The following CYFIP1 variants were observed in gnomAD, a reference collection of about 807,000 sequenced individuals.
CYFIP1 encodes the protein cytoplasmic FMR1-interacting protein 1.
A neutral mutation model predicts 163.5 loss-of-function variants in CYFIP1; 58 were observed. That is an observed-to-expected ratio of 0.35 (90% CI 0.29 to 0.44). CYFIP1 has a LOEUF of 0.44. CYFIP1 is among the 20% of genes least tolerant of loss of function. The pLI is 1.00. For missense variants in CYFIP1, 1,338 were observed against 1,653.8 expected (o/e 0.81, Z 3.31); for synonymous variants, 663 against 660.7 (o/e 1.00, Z -0.05).
intron 1 of CYFIP1, among the ~76,000 whole-genome samples, chr15:22,954,242 A>G (rs569964643): frequency 6.6e-6 from 1 of 152,176 alleles, no homozygotes; most frequent in South Asian, 2.1e-4. Context: ...AGAGAGGCCA[A>G]CCCTGCTGGC....
At chr15:22,963,564 A>ACATAACATAACATAACATAACATAAC (rs2062780706) in intron 1 of CYFIP1, among the ~76,000 whole-genome samples, 2 of 139,558 alleles carry the variant, frequency 1.4e-5, no homozygotes, top group Non-Finnish European at 3.1e-5. Flanking sequence ...CATAAGAAAG[A>ACATAACATAACATAACATAACATAAC]ATGAAATATC....
intron 6 of CYFIP1, among the ~76,000 whole-genome samples, chr15:22,940,964 C>G (rs887610645): frequency 6.6e-6 from 1 of 152,178 alleles, no homozygotes; most frequent in African/African-American, 2.4e-5. Flanking sequence ...TGCTTGAATC[C>G]AGGAGACGCA....
At chr15:22,899,459 A>T (rs533219955) in intron 22 of CYFIP1, among the ~76,000 whole-genome samples, 23 of 152,278 alleles carry the variant, frequency 1.5e-4, no homozygotes, top group African/African-American at 4.8e-4. Flanking sequence ...GAGGTAACTG[A>T]ATAATGGGGG....
At chr15:22,880,829 A>G (rs1300574018) in intron 25 of CYFIP1, among the ~76,000 whole-genome samples, 3 of 152,112 alleles carry the variant, frequency 2.0e-5, no homozygotes. Flanking sequence ...GCAGGGACTC[A>G]GCCCCACTTG....
intron 16 of CYFIP1, among the ~76,000 whole-genome samples, chr15:22,915,735 C>A (rs1294161869): frequency 6.6e-6 from 1 of 152,092 alleles, no homozygotes; most frequent in African/African-American, 2.4e-5. Context: ...GGTGACAGAG[C>A]AAGACTTCGT....
At position 22,870,044 on chromosome 15, in the gene CYFIP1, G is replaced by C; in HGVS notation, c.3746C>G (p.Ser1249Cys). 6.2e-7 allele frequency: 1 copy of C among 1,605,806 alleles called. No homozygotes were observed. The highest frequency in any genetic ancestry group is 8.5e-7 in the Non-Finnish European group (1 of 1,177,384). The change falls in exon 31 of 31, where the codon TCC becomes TGC. Residue 1249 changes from serine (S) to cysteine (C), a missense_variant. Ser to Cys is a moderately radical substitution (Grantham distance 112). Around this residue, in one of 4 missense-constraint regions of CYFIP1, gnomAD observed 306 missense variants for 322.1 expected, o/e 0.95. Coordinates refer to ENST00000617928, the MANE Select transcript of CYFIP1 (RefSeq NM_014608.6). ...CGCGTGCCCTCAGCTGCTGGCGAGG[G>C]ACTGGTGGATGGGCGGCTGGAAGCA... ...VRCFQPPIHQ[S>C]LASS
chr15:22,951,437 C>CAGG, intron 1 of CYFIP1: 2 of 1,289,536 alleles, frequency 1.6e-6, no homozygotes, highest in Non-Finnish European at 2.0e-6. Context: ...GCATGGGGGG[C>CAGG]CTGCCCTTGG....
At chr15:22,916,177 T>C (rs933981112) in intron 16 of CYFIP1, among the ~76,000 whole-genome samples, 1 of 152,186 alleles carries the variant, frequency 6.6e-6, no homozygotes, top group Non-Finnish European at 1.5e-5. Flanking sequence ...AATGCCTGTG[T>C]CTCAACTCAG....
intron 18 of CYFIP1, among the ~76,000 whole-genome samples, chr15:22,911,408 G>A (rs913568888): frequency 2.0e-5 from 3 of 152,200 alleles, no homozygotes; most frequent in African/African-American, 7.2e-5. Flanking sequence ...CATTGCAGGT[G>A]GGTTCCTGCC....
In CYFIP1 at chr15:22,943,182, G is replaced by C. The variant is rs889506033; in HGVS notation, c.560C>G (p.Ala187Gly). ...MKCSVKNDHS[A>G]YKRAAQFLRK... ...CGAGGTGGGTGCTCACCTCTTGTAC[G>C]CTGAGTGGTCGTTCTTCACACTGCA... Residue 187 changes from alanine to glycine, a missense_variant, in exon 6 of 31, where the codon GCG becomes GGG. Ala to Gly is a moderately conservative substitution (Grantham distance 60). Transcript: ENST00000617928. 2.5e-6 allele frequency: 4 copies of C among 1,614,048 alleles called. No individual in the cohort carries two copies. The highest frequency in any genetic ancestry group is 1.7e-6 in the Non-Finnish European group (2 of 1,179,948).
At chr15:22,961,782 C>T (rs900438429) in intron 1 of CYFIP1, among the ~76,000 whole-genome samples, 3 of 152,174 alleles carry the variant, frequency 2.0e-5, no homozygotes, top group African/African-American at 4.8e-5. Context: ...GACAGATGGA[C>T]TTACTATACT....
At chr15:22,879,785 A>G (rs1156874178) in intron 26 of CYFIP1, 128 bp downstream of exon 26, 1 of 693,930 alleles carries the variant, frequency 1.4e-6, no homozygotes, top group Non-Finnish European at 2.4e-6. Context: ...GCCACAAAAA[A>G]AAAAAAATGA....
chr15:22,916,220 G>A (rs905362806), intron 16 of CYFIP1, among the ~76,000 whole-genome samples: 5 of 152,130 alleles, frequency 3.3e-5, no homozygotes, highest in African/African-American at 9.7e-5. Flanking sequence ...TTCCAACCCC[G>A]CATGGGTTGA....
intron 24 of CYFIP1, among the ~76,000 whole-genome samples, chr15:22,882,663 G>GT (rs1204824214): frequency 2.6e-5 from 4 of 152,146 alleles, no homozygotes; most frequent in Non-Finnish European, 5.9e-5. Flanking sequence ...AAAACTCTGC[G>GT]TATCAGTTAA....
At chr15:22,893,325 G>A (rs1200862869) in intron 22 of CYFIP1, among the ~76,000 whole-genome samples, 3 of 152,192 alleles carry the variant, frequency 2.0e-5, no homozygotes, top group South Asian at 2.1e-4. Context: ...CGAGAACGGC[G>A]ACGCCCCGGT....
intron 13 of CYFIP1, among the ~76,000 whole-genome samples, chr15:22,920,324 T>C (rs998446404): frequency 7.9e-5 from 12 of 151,954 alleles, no homozygotes; most frequent in African/African-American, 2.9e-4. Context: ...ACTACCATGC[T>C]TGGCTAGGCA....
At chr15:22,950,327 G>A (rs137958969) in intron 1 of CYFIP1, among the ~76,000 whole-genome samples, 35 of 152,250 alleles carry the variant, frequency 2.3e-4, no homozygotes, top group African/African-American at 7.7e-4. Flanking sequence ...GCAAGCGCTG[G>A]CCAAAAGGAA....
At chr15:22,956,906 T>C (rs12907198) in intron 1 of CYFIP1, among the ~76,000 whole-genome samples, 76,105 of 152,170 alleles carry the variant, frequency 0.5, 20,600 homozygotes, top group African/African-American at 0.72. Flanking sequence ...ACTTTTGAGA[T>C]GTATTTACTT....
chr15:22,885,851 A>G (rs1368795929), intron 23 of CYFIP1, among the ~76,000 whole-genome samples: 1 of 152,174 alleles, frequency 6.6e-6, no homozygotes, highest in Non-Finnish European at 1.5e-5. Flanking sequence ...CCTGTTACCC[A>G]GTTCCAAAGT....
Sources: allele counts gnomAD v4.1 joint callset (sites outside exome capture counted in the v4.1 genomes callset), GRCh38; gene constraint gnomAD v4.1.1; regional missense constraint gnomAD v4.1.1; transcripts MANE v1.5; gene names NCBI Gene and HGNC (gene_info 2026-07-23, HGNC 2026-07-21).